OBSL1: variants seen among roughly 807,000 people sequenced by gnomAD.
OBSL1 encodes the protein obscurin-like protein 1.
Under a neutral mutation model 172.0 loss-of-function variants are expected in OBSL1, and 160 were observed. The ratio of observed to expected loss-of-function variants is 0.93; its 90% CI spans 0.82 to 1.06. The LOEUF is 1.06. OBSL1 is among the 50% of genes least tolerant of loss of function. OBSL1 has a pLI of 0.00. For missense variants in OBSL1, 2,681 were observed against 2,715.4 expected (o/e 0.99, Z 0.28); for synonymous variants, 1,200 against 1,196.3 (o/e 1.00, Z -0.06).
Position 219,565,254 on chromosome 2 carries a change from C to A in OBSL1, c.2395G>T (p.Val799Phe). The A allele has an allele frequency of 6.2e-7, 1 of 1,609,898 alleles. No homozygotes were observed. The highest frequency in any genetic ancestry group is 1.1e-5 in the South Asian group (1 of 90,670). ...RTEGVSAFFG[V>F]TVQDPPVHIV... ...CATGCTTCCTGACCTTGGACAGTGA[C>A]GCCGAAGAAGGCCGAGACCCCTTCT... The change falls in exon 6 of 21, where the codon GTC (valine) becomes TTC (phenylalanine). Residue 799 changes from valine (V) to phenylalanine (F), a missense_variant. This residue lies in a region of OBSL1 where 1,765 missense variants were observed against 1,748.3 expected (regional missense o/e 1.01). Coordinates refer to ENST00000404537, the MANE Select transcript of OBSL1 (RefSeq NM_015311.3).
chr2:219,562,801 C>T (rs535443401), intron 7 of OBSL1, 127 bp from the exon 8 acceptor site: 3 of 961,418 alleles, frequency 3.1e-6, no homozygotes, highest in Non-Finnish European at 4.5e-6. Context: ...GAGACCAAAT[C>T]TCACAGCAGC....
At position 219,557,526 on chromosome 2, in the gene OBSL1, C is replaced by T. The variant is rs530576939; in HGVS notation, c.3883G>A (p.Gly1295Arg). 4.6e-5 allele frequency: 71 copies of T among 1,552,746 alleles called. No individual in the cohort carries two copies. The highest frequency in any genetic ancestry group is 3.2e-4 in the South Asian group (27 of 84,114). The part of the protein sequence containing the change: ...GDLELVVHLS[G>R]PGGPVRWYKD... Reference sequence around the variant, plus strand: ...TACCAGCGTACAGGGCCCCCTGGCCCGGAGAGGTGCACCACCAGCTCTAGG... The same window carrying T: ...TACCAGCGTACAGGGCCCCCTGGCCTGGAGAGGTGCACCACCAGCTCTAGG... The change falls in exon 12 of 21, where the codon GGG (glycine) becomes AGG (arginine). Residue 1295 changes from glycine to arginine, a missense_variant. By Grantham distance (125) the Gly-to-Arg change is moderately radical (BLOSUM62 -2). Transcript: ENST00000404537.
At chr2:219,550,180 T>A (rs1695529133), downstream of OBSL1, 2 of 258,218 alleles carry the variant, frequency 7.7e-6, no homozygotes, top group Admixed American at 9.8e-5. Flanking sequence ...TTGCCTTAGA[T>A]TTCTGACTGG....
rs756887907 is a variant in OBSL1, at chr2:219,567,348, A to G, written c.1762T>C (p.Tyr588His). Residue 588 changes from tyrosine to histidine, a missense_variant, in exon 4 of 21, where the codon TAC becomes CAC. Around this residue, in one of 5 missense-constraint regions of OBSL1, gnomAD observed 706 missense variants for 695.8 expected, o/e 1.01. Coordinates refer to ENST00000404537, the MANE Select transcript of OBSL1 (RefSeq NM_015311.3). ...PGDCVPSEGD[Y>H]RFRICTVSGH... ...CTGACTGTGCAGATGCGGAAGCGGTAGTCACCCTCGGAGGGCACACAGTCG... is the reference window on the plus strand; with the variant it reads ...CTGACTGTGCAGATGCGGAAGCGGTGGTCACCCTCGGAGGGCACACAGTCG... 1 of 1,611,552 alleles carries G rather than the reference A, an allele frequency of 6.2e-7. No individual in the cohort carries two copies. Among genetic ancestry groups the G allele is most frequent in the African/African-American group, 1.3e-5 (1 of 74,896 alleles).
At position 219,553,007 on chromosome 2, in the gene OBSL1, C is replaced by A; in HGVS notation, c.5007G>T (p.Thr1669=). 2 of 1,517,740 alleles carry A rather than the reference C, an allele frequency of 1.3e-6. No homozygotes were observed. The highest frequency in any genetic ancestry group is 8.8e-7 in the Non-Finnish European group (1 of 1,138,676). The allele number at this position is 1,517,740 out of a possible 1,614,324, so 94.0% of individuals were successfully genotyped here. Reference sequence around the variant, plus strand: ...CCTGGAGCCGGAGCCGCGGGCTAGGCGTAAGCGCGTTCCCGTCCTAGGGGC... The same window carrying A: ...CCTGGAGCCGGAGCCGCGGGCTAGGAGTAAGCGCGTTCCCGTCCTAGGGGC... ...VTWEKDGNAL[T]PSPRLRLQAL... Residue 1669 remains threonine (T), a synonymous_variant, in exon 17 of 21, where the codon ACG becomes ACT. Coordinates refer to ENST00000404537, the MANE Select transcript of OBSL1 (RefSeq NM_015311.3).
rs776407576 is a variant in OBSL1 at position 219,555,625 on chromosome 2, A to C, written c.4609+395T>G. The stretch of plus-strand genomic sequence containing the variant: ...ACTTGGCTCAAAGAGGTTAACTTGC[A>C]TGAGGTCACATAGGAAACAGAGGGC... On this transcript the variant is annotated intron_variant, in intron 14 of 20. Transcript: ENST00000404537. 6.8e-6 allele frequency: 7 copies of C among 1,025,946 alleles called. No homozygotes were observed. In the African/African-American group the frequency reaches 1.0e-4, roughly 15 times the overall value. The allele number at this position is 1,025,946 out of a possible 1,614,324, so 63.6% of individuals were successfully genotyped here.
In OBSL1 at chr2:219,559,413, A is replaced by T. The variant is rs748679555; in HGVS notation, c.3038T>A (p.Leu1013Gln). Reference sequence around the variant, plus strand: ...GCGCACAGGGGCATCCTCCCGAGACAGTTCACACATCAGCACCACACACTC... The same window carrying T: ...GCGCACAGGGGCATCCTCCCGAGACTGTTCACACATCAGCACCACACACTC... ...TLECVVLMCE[L>Q]SREDAPVRWY... Residue 1013 changes from leucine to glutamine, a missense_variant, in exon 9 of 21, where the codon CTG becomes CAG. This residue lies in a region of OBSL1 where 1,765 missense variants were observed against 1,748.3 expected (regional missense o/e 1.01). Coordinates refer to ENST00000404537, the MANE Select transcript of OBSL1 (RefSeq NM_015311.3). The T allele has an allele frequency of 1.2e-6, 2 of 1,613,860 alleles. No homozygotes were observed. The highest frequency in any genetic ancestry group is 4.5e-5 in the East Asian group (2 of 44,878).
rs1488196305 is a variant in OBSL1, at chr2:219,565,380, C to T, written c.2269G>A (p.Glu757Lys). 2.5e-6 allele frequency: 4 copies of T among 1,614,048 alleles called. No homozygotes were observed. The highest frequency in any genetic ancestry group is 3.4e-6 in the Non-Finnish European group (4 of 1,179,902). ...ATWYKDGQKV[E>K]ESELLVVKMD... The stretch of plus-strand genomic sequence containing the variant: ...TTCACCACCAGCAACTCGCTCTCCT[C>T]CACCTTCTGCCCATCCTTGTACCAG... Residue 757 changes from glutamate to lysine, a missense_variant, in exon 6 of 21, where the codon GAG becomes AAG. Physicochemically the swap from Glu to Lys is moderately conservative, Grantham distance 56. Around this residue, in one of 5 missense-constraint regions of OBSL1, gnomAD observed 1,765 missense variants for 1,748.3 expected, o/e 1.01. Coordinates refer to ENST00000404537, the MANE Select transcript of OBSL1 (RefSeq NM_015311.3).
At chr2:219,551,965 G>T in intron 19 of OBSL1, 147 bp downstream of exon 19, 1 of 938,556 alleles carries the variant, frequency 1.1e-6, no homozygotes, top group Non-Finnish European at 1.6e-6. Context: ...GGGGAAACGC[G>T]CTGCCCTCTG....
intron 20 of OBSL1, chr2:219,551,088 A>G: frequency 7.1e-7 from 1 of 1,411,038 alleles, no homozygotes; most frequent in Non-Finnish European, 9.2e-7. Context: ...CTTATGGGGA[A>G]GAGGAAAGAA....
downstream of OBSL1, chr2:219,547,760 T>C (rs1437705214): frequency 3.1e-6 from 5 of 1,594,300 alleles, no homozygotes; most frequent in East Asian, 2.2e-5. Flanking sequence ...CGCACCCTAC[T>C]ACCAGCCAGG....
At position 219,556,008 on chromosome 2, in the gene OBSL1, C is replaced by G; in HGVS notation, c.4609+12G>C. The G allele has an allele frequency of 6.2e-7, 1 of 1,612,578 alleles. No homozygotes were observed. Among genetic ancestry groups the G allele is most frequent in the Non-Finnish European group, 8.5e-7 (1 of 1,179,470 alleles). ...GGGTGGGTAATGCATTAAGAGAGGA[C>G]GGGGCACTCACGCCTCACGCTGAGC... is the stretch of plus-strand genomic sequence containing the variant. On this transcript the variant is annotated intron_variant, in intron 14 of 20. Coordinates refer to ENST00000404537, the MANE Select transcript of OBSL1 (RefSeq NM_015311.3).
rs369529642 is a variant in OBSL1 at position 219,567,874 on chromosome 2, G to A, written c.1378C>T (p.Arg460Cys). 8.7e-6 allele frequency: 14 copies of A among 1,613,760 alleles called. No individual in the cohort carries two copies. The African/African-American group carries it at 1.1e-4, about 12-fold the overall frequency. ...VETLEAGVEG[R>C]WSRDGEELPV... ...AGCTCCTCCCCATCACGGCTCCAGCGTCCCTCGACCCCGGCCTCTAGAGTT... is the reference window on the plus strand; with the variant it reads ...AGCTCCTCCCCATCACGGCTCCAGCATCCCTCGACCCCGGCCTCTAGAGTT... The change falls in exon 3 of 21, where the codon CGC (arginine) becomes TGC (cysteine). Residue 460 changes from arginine to cysteine, a missense_variant. Physicochemically the swap from Arg to Cys is radical, Grantham distance 180. Transcript: ENST00000404537.
chr2:219,565,178 C>A, intron 6 of OBSL1, 64 bp downstream of exon 6: 2 of 1,506,866 alleles, frequency 1.3e-6, no homozygotes, highest in Non-Finnish European at 8.9e-7. Context: ...GACCAGAGGG[C>A]ATGGCTTATG....
intron 8 of OBSL1, among the ~76,000 whole-genome samples, chr2:219,561,005 G>A (rs986497165): frequency 6.6e-6 from 1 of 152,202 alleles, no homozygotes; most frequent in Admixed American, 6.5e-5. Context: ...GCCTGAGCAT[G>A]GGCTGGAGTT....
chr2:219,564,342 T>C (rs766839079), intron 6 of OBSL1, among the ~76,000 whole-genome samples: 1 of 152,194 alleles, frequency 6.6e-6, no homozygotes, highest in African/African-American at 2.4e-5. Context: ...TTTGACTCTA[T>C]CTGAGGCAGC....
At chr2:219,561,880 G>A (rs1273918710) in intron 8 of OBSL1, 2 of 717,466 alleles carry the variant, frequency 2.8e-6, no homozygotes, top group Non-Finnish European at 2.6e-6. Flanking sequence ...TATGGGGGCA[G>A]CTGCTACTCA....
downstream of OBSL1, chr2:219,548,231 A>G: frequency 1.4e-6 from 1 of 727,690 alleles, no homozygotes; most frequent in Non-Finnish European, 2.1e-6. Flanking sequence ...GATAGCACCC[A>G]GGTGCCATCA....
Position 219,571,282 on chromosome 2 carries a change from GTGC to G in OBSL1, c.-53_-51del. On this transcript the variant is annotated 5_prime_UTR_variant, in exon 1 of 21. Transcript: ENST00000404537. ...GCGAACGGTGGGGGGGCAGGGGGGG[GTGC>G]GGAGGGCGAGCCGAGGCCCGGGGCG... 7 of 1,028,158 alleles carry G rather than the reference GTGC, an allele frequency of 6.8e-6. No homozygotes were observed. Among genetic ancestry groups the G allele is most frequent in the Non-Finnish European group, 8.8e-6 (7 of 799,318 alleles). The allele number at this position is 1,028,158 out of a possible 1,614,324, so 63.7% of individuals were successfully genotyped here. A position where few individuals can be genotyped will look rare whatever the true frequency, so the allele number is the denominator to read the frequency against.
Sources: gnomAD v4.1 joint callset for allele counts (sites outside exome capture counted in the v4.1 genomes callset) on GRCh38, gnomAD v4.1.1 for gene constraint, gnomAD v4.1.1 regional missense constraint, MANE v1.5 for transcripts, NCBI Gene and HGNC (gene_info 2026-07-23, HGNC 2026-07-21) for gene names.